Variants in ZNF821 observed in about 807,000 individuals in gnomAD.
ZNF821 encodes zinc finger protein 821.
Under a neutral mutation model 44.3 loss-of-function variants are expected in ZNF821, and 16 were observed. That is an observed-to-expected ratio of 0.36 (90% confidence interval 0.24 to 0.55). ZNF821 has a LOEUF of 0.55. Ranked by LOEUF, ZNF821 falls within the 20% of genes least tolerant of loss-of-function variation. ZNF821 has a pLI of 0.86. For synonymous variants in ZNF821, 204 were observed against 197.6 expected (o/e 1.03, Z -0.27); for missense variants, 436 against 547.6 (o/e 0.80, Z 2.03).
intron 1 of ZNF821, chr16:71,890,438 G>C (rs2142501598): frequency 6.6e-6 from 1 of 150,932 alleles, no homozygotes; most frequent in South Asian, 2.1e-4. Flanking sequence ...CCAGCCTGGA[G>C]TACAGTGGCA....
At chr16:71,861,976 G>A (rs112231465) in intron 6 of ZNF821, 34 bp from the exon 7 acceptor site, 100 of 1,610,084 alleles carry the variant, frequency 6.2e-5, no homozygotes, top group Non-Finnish European at 7.6e-5. Context: ...TCAGTCTTGC[G>A]CTACCTCCAG....
At chr16:71,875,004 C>T (rs79866623) in intron 3 of ZNF821, among the ~76,000 whole-genome samples, 5,297 of 152,236 alleles carry the variant, frequency 0.035, 128 homozygotes, top group Middle Eastern at 0.068. Context: ...TTTAGTCAAG[C>T]TTAGTGTATC....
intron 3 of ZNF821, among the ~76,000 whole-genome samples, chr16:71,872,718 C>T (rs1248566311): frequency 6.6e-6 from 1 of 152,194 alleles, no homozygotes; most frequent in African/African-American, 2.4e-5. Flanking sequence ...CTTTGTAATC[C>T]ACGGTGCTAT....
At chr16:71,894,816 CCAGGCTTAAGCAGCGATAAT>C in intron 1 of ZNF821, 1 of 1,533,176 alleles carries the variant, frequency 6.5e-7, no homozygotes, top group Admixed American at 2.0e-5. Flanking sequence ...AAGGTCCCTT[CCAGGCTTAAGCAGCGATAAT>C]GGTTTTCAAG....
intron 3 of ZNF821, among the ~76,000 whole-genome samples, chr16:71,875,670 G>A (rs1361599830): frequency 6.6e-6 from 1 of 151,996 alleles, no homozygotes; most frequent in Non-Finnish European, 1.5e-5. Context: ...CACCGTGTTA[G>A]CCAGGATGGT....
chr16:71,866,661 AG>A (rs2034581814), intron 4 of ZNF821, among the ~76,000 whole-genome samples: 1 of 152,268 alleles, frequency 6.6e-6, no homozygotes, highest in East Asian at 1.9e-4. Context: ...TACATCCTTC[AG>A]AATGGAAAAC....
intron 3 of ZNF821, among the ~76,000 whole-genome samples, chr16:71,874,354 C>T (rs894550801): frequency 3.7e-4 from 56 of 152,306 alleles, no homozygotes; most frequent in African/African-American, 1.3e-3. Flanking sequence ...GAAGCTCAGC[C>T]GTTACTCTGC....
intron 3 of ZNF821, among the ~76,000 whole-genome samples, chr16:71,872,977 A>G (rs1432628179): frequency 6.6e-6 from 1 of 152,230 alleles, no homozygotes; most frequent in South Asian, 2.1e-4. Flanking sequence ...ACACTAAATG[A>G]AAGTGTACAA....
At chr16:71,880,930 G>A (rs1390791021) in intron 2 of ZNF821, among the ~76,000 whole-genome samples, 1 of 152,170 alleles carries the variant, frequency 6.6e-6, no homozygotes, top group African/African-American at 2.4e-5. Flanking sequence ...AAGCCTGAAG[G>A]TTCCTGATTA....
chr16:71,862,475 A>AAAAAC (rs775610374), intron 6 of ZNF821, among the ~76,000 whole-genome samples: 7 of 152,160 alleles, frequency 4.6e-5, no homozygotes, highest in African/African-American at 9.7e-5. Context: ...ATTCTGTCTC[A>AAAAAC]AAAACAAAAC....
At chr16:71,887,264 T>A (rs1184292748), upstream of ZNF821, among the ~76,000 whole-genome samples, 1 of 149,716 alleles carries the variant, frequency 6.7e-6, no homozygotes, top group Non-Finnish European at 1.5e-5. Context: ...TCAACCTTTT[T>A]TTTTTTTTTT....
rs1349608829 is a variant in ZNF821, at chr16:71,874,595, AG to A, written c.40+5311del. The stretch of plus-strand genomic sequence containing the variant: ...CAGCCCCCCAAGTAGCTAGGATTAC[AG>A]GCGTGTGTCACCATGCCCAGCTATT... On this transcript the variant is annotated intron_variant, in intron 3 of 7. Transcript: ENST00000425432. 2.6e-5 allele frequency among the ~76,000 whole-genome samples: 4 copies of A among 152,168 alleles called. No individual in the cohort carries two copies. The East Asian group carries it at 7.8e-4, about 30-fold the overall frequency.
Position 71,892,854 on chromosome 16 carries a change from C to T in ZNF821, n.448+2035G>A, listed in dbSNP as rs541717295. Among the ~76,000 whole-genome samples the T allele has an allele frequency of 1.2e-3, 184 of 151,172 alleles. 1 individual carries two copies. Among genetic ancestry groups the T allele is most frequent in the Non-Finnish European group, 1.8e-3 (122 of 67,814 alleles). ...CAAGCGATTCTTCTGCCTCAGCCTC[C>T]AAGTAGCTGGGATTACAGGCGCCCG... On this transcript the variant is annotated intron_variant and non_coding_transcript_variant, in intron 1 of 2. Coordinates refer to the ZNF821 transcript ENST00000561700.
intron 2 of ZNF821, 127 bp from the exon 3 acceptor site, chr16:71,880,150 C>A: frequency 2.2e-6 from 1 of 454,168 alleles, no homozygotes; most frequent in South Asian, 5.1e-5. Context: ...AATAATTGAA[C>A]TAATGAAAGA....
At chr16:71,865,161 T>C in intron 4 of ZNF821, 113 bp from the exon 5 acceptor site, 1 of 1,312,292 alleles carries the variant, frequency 7.6e-7, no homozygotes, top group Middle Eastern at 2.1e-4. Context: ...TCTTCCATAA[T>C]ATAGTTTATA....
Position 71,860,561 on chromosome 16 carries a change from A to G in ZNF821, c.696T>C (p.Ala232=). ...DIAFSPPVYP[A]GILLVCNNCA... ...AGTTGTTGCACACAAGCAGAATTCC[A>G]GCAGGGTACACTGGAGGACTAAAGG... is the stretch of plus-strand genomic sequence containing the variant. Residue 232 remains alanine (A), a synonymous_variant, in exon 8 of 8, where the codon GCT becomes GCC. Transcript: ENST00000425432. This position sits in a 1 kb window ranked among gnomAD's most constrained non-coding sequence, Gnocchi z 7.3. 6.2e-7 allele frequency: 1 copy of G among 1,614,142 alleles called. No homozygotes were observed. Among genetic ancestry groups the G allele is most frequent in the East Asian group, 2.2e-5 (1 of 44,864 alleles).
upstream of ZNF821, among the ~76,000 whole-genome samples, chr16:71,886,368 T>A (rs1386561632): frequency 6.6e-6 from 1 of 152,226 alleles, no homozygotes; most frequent in Non-Finnish European, 1.5e-5. Context: ...AACCCTTGTC[T>A]CTTTAAAAAA....
At chr16:71,869,689 G>C (rs1026437831) in intron 3 of ZNF821, among the ~76,000 whole-genome samples, 1 of 152,040 alleles carries the variant, frequency 6.6e-6, no homozygotes, top group Non-Finnish European at 1.5e-5. Flanking sequence ...CCAGGCTAGA[G>C]TGCAGTGGTG....
intron 1 of ZNF821, among the ~76,000 whole-genome samples, chr16:71,892,755 A>G (rs1352269901): frequency 2.2e-5 from 3 of 138,008 alleles, no homozygotes; most frequent in Non-Finnish European, 4.6e-5. Flanking sequence ...TTTTTGAGAC[A>G]GAGTCTTGCT....
Sources: gnomAD v4.1 joint callset for allele counts (sites outside exome capture counted in the v4.1 genomes callset) on GRCh38, gnomAD v4.1.1 for gene constraint, Gnocchi (gnomAD v3.1) non-coding constraint, MANE v1.5 for transcripts, NCBI Gene and HGNC (gene_info 2026-07-23, HGNC 2026-07-21) for gene names.